The following TCAF1 variants were observed in gnomAD, a reference collection of about 807,000 sequenced individuals.
The protein encoded by TCAF1 is TRPM8 channel associated factor 1.
Under a neutral mutation model 27.3 loss-of-function variants are expected in TCAF1, and 4 were observed. The ratio of observed to expected loss-of-function variants is 0.15; its 90% CI spans 0.07 to 0.34. TCAF1 has a LOEUF of 0.34. Among genes scored for constraint, TCAF1 ranks in the 10% least tolerant of loss-of-function variants. The pLI is 1.00. For synonymous variants in TCAF1, 105 were observed against 167.1 expected (o/e 0.63, Z 2.87); for missense variants, 257 against 425.8 (o/e 0.60, Z 3.49).
chr7:143,887,324 A>T (rs1308546178), intron 1 of TCAF1, among the ~76,000 whole-genome samples: 2 of 152,198 alleles, frequency 1.3e-5, no homozygotes, highest in African/African-American at 4.8e-5. Context: ...AATTGTCTTA[A>T]TGTATATTTT....
chr7:143,897,629 C>T (rs1184262582), intron 1 of TCAF1, among the ~76,000 whole-genome samples: 2 of 151,992 alleles, frequency 1.3e-5, no homozygotes, highest in South Asian at 2.1e-4. Flanking sequence ...TATACATGTA[C>T]GTATACTGAT....
At chr7:143,878,054 C>T (rs1417370744) in intron 1 of TCAF1, among the ~76,000 whole-genome samples, 2 of 152,178 alleles carry the variant, frequency 1.3e-5, no homozygotes, top group Non-Finnish European at 2.9e-5. Context: ...ACGCGGACAA[C>T]ACATCTCAGA....
At chr7:143,882,608 C>T (rs1197124879) in intron 1 of TCAF1, 39 of 985,450 alleles carry the variant, frequency 4.0e-5, no homozygotes, top group Non-Finnish European at 4.3e-5. Flanking sequence ...AGACCCACGG[C>T]GCACCCATCG....
intron 1 of TCAF1, among the ~76,000 whole-genome samples, chr7:143,895,112 A>G (rs887562094): frequency 2.6e-5 from 4 of 151,892 alleles, no homozygotes; most frequent in Non-Finnish European, 3.0e-5. Flanking sequence ...ATGAACTTAT[A>G]TATATTTCTG....
rs1162935209 is a variant in TCAF1, at chr7:143,853,254, T to TA, written c.*878dup. 1.4e-5 allele frequency: 2 copies of TA among 145,778 alleles called. No individual in the cohort carries two copies. Among genetic ancestry groups the TA allele is most frequent in the Non-Finnish European group, 3.0e-5 (2 of 65,834 alleles). The allele number at this position is 145,778 out of a possible 1,614,324, so 9.0% of individuals were successfully genotyped here. On this transcript the variant is annotated 3_prime_UTR_variant, in exon 9 of 9. Transcript: ENST00000479870. ...CATGCCACCATGCTTGGCTAATTTT[T>TA]AAAAATTATTTTGTAGAGACGGGAT...
At chr7:143,885,244 T>C in intron 1 of TCAF1, 5 of 985,498 alleles carry the variant, frequency 5.1e-6, no homozygotes, top group Non-Finnish European at 6.0e-6. Flanking sequence ...CAGGCTACTT[T>C]GGAGTGGGGA....
At position 143,875,482 on chromosome 7, in the gene TCAF1, A is replaced by T. The variant is rs74652214; in HGVS notation, c.620+507T>A. On this transcript the variant is annotated intron_variant, in intron 2 of 8. Transcript: ENST00000479870. ...CAACCTTTTGCCCCTCCTAAATCCT[A>T]GATTTAGCACATATAACTTGAACCA... 5.8e-3 allele frequency among the ~76,000 whole-genome samples: 877 copies of T among 152,222 alleles called. 5 individuals carry two copies. Among genetic ancestry groups the T allele is most frequent in the African/African-American group, 0.02 (821 of 41,526 alleles).
chr7:143,884,944 G>GA (rs1486530122), intron 1 of TCAF1: 1 of 956,840 alleles, frequency 1.0e-6, no homozygotes, highest in Non-Finnish European at 1.2e-6. Flanking sequence ...AGCTGAAATA[G>GA]AAACAGCAAT....
chr7:143,862,299 T>TA (rs1394250863), intron 4 of TCAF1, 117 bp downstream of exon 4: 25 of 73,078 alleles, frequency 3.4e-4, no homozygotes, highest in African/African-American at 1.4e-3. Context: ...AAAACAAGGG[T>TA]AAAATCACCT....
chr7:143,885,897 C>A (rs557500653), intron 1 of TCAF1, among the ~76,000 whole-genome samples: 1 of 152,108 alleles, frequency 6.6e-6, no homozygotes, highest in Non-Finnish European at 1.5e-5. Flanking sequence ...TCAATAGTCA[C>A]ACGCATTATT....
chr7:143,885,707 T>A (rs993900934), intron 1 of TCAF1, among the ~76,000 whole-genome samples: 1 of 152,080 alleles, frequency 6.6e-6, no homozygotes, highest in African/African-American at 2.4e-5. Flanking sequence ...ATATTATTTT[T>A]AAAATAAACA....
intron 1 of TCAF1, among the ~76,000 whole-genome samples, chr7:143,894,515 T>C (rs1021220530): frequency 6.6e-6 from 1 of 151,812 alleles, no homozygotes; most frequent in African/African-American, 2.4e-5. Flanking sequence ...ATTAGATGTC[T>C]ATATAAAAAC....
chr7:143,860,030 TA>T (rs1811924486), intron 6 of TCAF1, among the ~76,000 whole-genome samples, 177 bp downstream of exon 6: 1 of 35,348 alleles, frequency 2.8e-5, no homozygotes, highest in African/African-American at 1.4e-4. Context: ...TTATATATTA[TA>T]TATATAATAT....
intron 1 of TCAF1, among the ~76,000 whole-genome samples, chr7:143,887,978 G>A (rs1006546141): frequency 6.6e-6 from 1 of 152,088 alleles, no homozygotes; most frequent in Non-Finnish European, 1.5e-5. Flanking sequence ...GCGACTTCTG[G>A]GTTACTGGTA....
chr7:143,892,639 A>T (rs1486296851), intron 1 of TCAF1, among the ~76,000 whole-genome samples: 1 of 151,052 alleles, frequency 6.6e-6, no homozygotes, highest in African/African-American at 2.4e-5. Flanking sequence ...GCTTAAACCC[A>T]ATATTTATAG....
intron 1 of TCAF1, chr7:143,885,432 C>CGCCCCCGGACCGCAGAG: frequency 1.0e-6 from 1 of 985,438 alleles, no homozygotes; most frequent in Non-Finnish European, 1.2e-6. Flanking sequence ...GCTTGGCCGC[C>CGCCCCCGGACCGCAGAG]GCCCCCGGAC....
intron 2 of TCAF1, among the ~76,000 whole-genome samples, 161 bp downstream of exon 2, chr7:143,875,825 CCCT>C (rs1184940141): frequency 6.6e-6 from 1 of 152,108 alleles, no homozygotes; most frequent in African/African-American, 2.4e-5. Flanking sequence ...AGGACCTTGC[CCCT>C]CCTATGTCTC....
chr7:143,860,044 A>T (rs1416803922), intron 6 of TCAF1, among the ~76,000 whole-genome samples, 164 bp downstream of exon 6: 2 of 78,084 alleles, frequency 2.6e-5, no homozygotes, highest in African/African-American at 5.5e-5. Context: ...TATAATATAT[A>T]ATATATATTA....
intron 2 of TCAF1, among the ~76,000 whole-genome samples, chr7:143,872,064 T>G (rs1354330072): frequency 1.5e-5 from 1 of 67,128 alleles, no homozygotes; most frequent in Non-Finnish European, 3.1e-5. Flanking sequence ...AAAAAAACAA[T>G]TAGACAAAGC....
Sources: allele counts gnomAD v4.1 joint callset (sites outside exome capture counted in the v4.1 genomes callset), GRCh38; gene constraint gnomAD v4.1.1; transcripts MANE v1.5; gene names NCBI Gene and HGNC (gene_info 2026-07-23, HGNC 2026-07-21).